The following COBL variants were observed in gnomAD, a reference collection of about 807,000 sequenced individuals.
The protein encoded by COBL is protein cordon-bleu.
In COBL, 51 loss-of-function variants were observed where a neutral mutation model predicts 98.8. The observed-to-expected ratio is 0.52, with a 90% CI of 0.41 to 0.65. COBL has a LOEUF of 0.65. Among genes scored for constraint, COBL ranks in the 30% least tolerant of loss-of-function variants. The probability of loss-of-function intolerance (pLI) is 0.00; values close to 1 mark genes in which losing one functional copy is unlikely to be tolerated. For synonymous variants in COBL, 634 were observed against 651.7 expected (o/e 0.97, Z 0.41); for missense variants, 1,617 against 1,617.5 (o/e 1.00, Z 0.01).
Position 51,028,399 on chromosome 7 carries a change from C to G in COBL, c.2697G>C (p.Lys899Asn). ...HGYAEKGYAG[K>N]APVLAAPPVT... ...CAGGTGGTGCAGCCAGCACTGGCGC[C>G]TTGCCTGCATAACCCTTCTCGGCAT... Residue 899 changes from lysine to asparagine, a missense_variant, in exon 10 of 13, where the codon AAG becomes AAC. By Grantham distance (94) the Lys-to-Asn change is moderately conservative (BLOSUM62 0). Coordinates refer to ENST00000265136, the MANE Select transcript of COBL (RefSeq NM_015198.5). 6.2e-7 allele frequency: 1 copy of G among 1,614,270 alleles called. No homozygotes were observed. The highest frequency in any genetic ancestry group is 1.3e-5 in the African/African-American group (1 of 75,074).
chr7:51,313,027 A>G lies in COBL; in HGVS notation c.41+3566T>C, dbSNP rs369370404. Among the ~76,000 whole-genome samples, 178 of 152,350 alleles carry G rather than the reference A, an allele frequency of 1.2e-3. 7 individuals carry two copies. In the South Asian group the frequency reaches 0.036, roughly 31 times the overall value. ...CCTACTCTCCACATTACATCAAGCA[A>G]TTCTTAACTTTTACTTTCTTAAATG... On this transcript the variant is annotated intron_variant, in intron 1 of 12. Coordinates refer to ENST00000265136, the MANE Select transcript of COBL (RefSeq NM_015198.5).
intron 1 of COBL, among the ~76,000 whole-genome samples, chr7:51,234,036 G>A (rs1035731922): frequency 1.3e-5 from 2 of 152,166 alleles, no homozygotes; most frequent in African/African-American, 4.8e-5. Context: ...TTTCCAGTAA[G>A]AAAAGCAGAA....
At chr7:51,244,301 T>C (rs191867474) in intron 1 of COBL, among the ~76,000 whole-genome samples, 6 of 152,310 alleles carry the variant, frequency 3.9e-5, no homozygotes, top group African/African-American at 1.4e-4. Context: ...CCCATGACTG[T>C]AGTGGGTATT....
chr7:51,111,817 G>GC (rs1214302388), intron 6 of COBL, among the ~76,000 whole-genome samples: 1 of 152,212 alleles, frequency 6.6e-6, no homozygotes, highest in African/African-American at 2.4e-5. Flanking sequence ...ATGGGCCCCA[G>GC]CAAGTGTTCA....
At chr7:51,299,315 T>C (rs989434545) in intron 1 of COBL, among the ~76,000 whole-genome samples, 1 of 152,246 alleles carries the variant, frequency 6.6e-6, no homozygotes, top group African/African-American at 2.4e-5. Flanking sequence ...GAAAGTATTA[T>C]ATTCCAAAGA....
At chr7:51,122,794 C>T (rs1419194479) in intron 6 of COBL, among the ~76,000 whole-genome samples, 2 of 152,072 alleles carry the variant, frequency 1.3e-5, no homozygotes, top group African/African-American at 2.4e-5. Context: ...GCCTGTGCAA[C>T]ATGGCAAAAC....
At chr7:51,089,929 G>T (rs930548910) in intron 6 of COBL, among the ~76,000 whole-genome samples, 7 of 151,946 alleles carry the variant, frequency 4.6e-5, no homozygotes, top group African/African-American at 1.7e-4. Flanking sequence ...GAATTGATGA[G>T]CCATAATTAA....
intron 5 of COBL, among the ~76,000 whole-genome samples, chr7:51,159,651 C>CT (rs914789285): frequency 3.3e-5 from 5 of 152,114 alleles, no homozygotes; most frequent in African/African-American, 1.2e-4. Flanking sequence ...CCTCAGTATC[C>CT]TTACAAACAT....
intron 8 of COBL, among the ~76,000 whole-genome samples, chr7:51,039,510 A>G (rs2128883735): frequency 6.6e-6 from 1 of 152,362 alleles, no homozygotes; most frequent in African/African-American, 2.4e-5. Flanking sequence ...GGCTTTCGAC[A>G]GGGTTCACTC....
chr7:51,222,875 A>G (rs1399736612), intron 1 of COBL, among the ~76,000 whole-genome samples: 1 of 151,974 alleles, frequency 6.6e-6, no homozygotes, highest in Non-Finnish European at 1.5e-5. Flanking sequence ...GAGTCGGGAG[A>G]GGTTTTGACT....
rs150152202 is a variant in COBL, at chr7:51,218,370, T to C, written c.245+1371A>G. ...TAAAATAAAATGCTTACATCACTTT[T>C]TAAAAGGCATCTGTGAGAATAAAAA... On this transcript the variant is annotated intron_variant, in intron 2 of 12. Transcript: ENST00000265136. Among the ~76,000 whole-genome samples, 61 of 152,254 alleles carry C rather than the reference T, an allele frequency of 4.0e-4. 2 individuals are homozygous for C. The highest frequency in any genetic ancestry group is 4.3e-4 in the Non-Finnish European group (29 of 68,050).
chr7:51,061,952 C>CACACACACACACACACAT (rs1554364733), intron 7 of COBL, among the ~76,000 whole-genome samples: 1 of 33,082 alleles, frequency 3.0e-5, no homozygotes, highest in African/African-American at 5.3e-5. Context: ...ACCATAGATA[C>CACACACACACACACACAT]ACACACACAC....
chr7:51,027,610 A>T, intron 10 of COBL, 102 bp downstream of exon 10: 2 of 994,266 alleles, frequency 2.0e-6, no homozygotes, highest in Non-Finnish European at 3.0e-6. Flanking sequence ...CTGTTATCCT[A>T]ATCCCGTCTC....
chr7:51,169,555 G>C (rs900716844), intron 5 of COBL, among the ~76,000 whole-genome samples: 4 of 152,158 alleles, frequency 2.6e-5, no homozygotes, highest in African/African-American at 9.7e-5. Flanking sequence ...GCAACAACAG[G>C]AGTGGAACTA....
intron 2 of COBL, among the ~76,000 whole-genome samples, chr7:51,214,226 G>A (rs1000671463): frequency 9.2e-5 from 14 of 151,564 alleles, no homozygotes; most frequent in African/African-American, 2.9e-4. Context: ...AGATTGTGCC[G>A]CCACTGCACT....
chr7:51,246,045 G>T (rs915565958), intron 1 of COBL, among the ~76,000 whole-genome samples: 2 of 152,006 alleles, frequency 1.3e-5, no homozygotes, highest in Non-Finnish European at 2.9e-5. Context: ...GTATGTATGT[G>T]TCATTTATTT....
At chr7:51,182,658 G>GGA in intron 5 of COBL, among the ~76,000 whole-genome samples, 1 of 146,484 alleles carries the variant, frequency 6.8e-6, no homozygotes, top group Non-Finnish European at 1.5e-5. Context: ...GAGTAGGGGG[G>GGA]AAGAGAGGGG....
intron 9 of COBL, 66 bp from the exon 10 acceptor site, chr7:51,029,657 C>T (rs1394285033): frequency 2.2e-6 from 3 of 1,347,528 alleles, no homozygotes; most frequent in Admixed American, 4.6e-5. Context: ...TAACTGCAGC[C>T]ATGACTTTGA....
intron 1 of COBL, among the ~76,000 whole-genome samples, chr7:51,307,210 G>C (rs184895553): frequency 6.6e-6 from 1 of 152,112 alleles, no homozygotes; most frequent in Non-Finnish European, 1.5e-5. Context: ...TTAGCCAGGC[G>C]TGGTGGTGCA....
Sources: allele counts gnomAD v4.1 joint callset (sites outside exome capture counted in the v4.1 genomes callset), GRCh38; gene constraint gnomAD v4.1.1; transcripts MANE v1.5; gene names NCBI Gene and HGNC (gene_info 2026-07-23, HGNC 2026-07-21).